FMNL1: variants seen among roughly 807,000 people sequenced by gnomAD.
FMNL1 encodes the protein formin-like protein 1.
In FMNL1, 43 loss-of-function variants were observed where a neutral mutation model predicts 121.3. The observed-to-expected ratio is 0.35, with a 90% confidence interval of 0.28 to 0.46. The LOEUF is 0.46. Among genes scored for constraint, FMNL1 ranks in the 20% least tolerant of loss-of-function variants. The probability of loss-of-function intolerance (pLI) is 1.00; values close to 1 mark genes in which losing one functional copy is unlikely to be tolerated. For missense variants in FMNL1, 1,191 were observed against 1,482.4 expected (o/e 0.80, Z 3.23); for synonymous variants, 613 against 613.5 (o/e 1.00, Z 0.01).
intron 2 of FMNL1, 117 bp from the exon 3 acceptor site, chr17:45,232,249 CT>C (rs1442845319): frequency 4.7e-6 from 4 of 849,978 alleles, no homozygotes; most frequent in Non-Finnish European, 7.6e-6. Flanking sequence ...TCAGAGGCGT[CT>C]TAAGAAAGCC....
chr17:45,242,586 GC>G (rs2043732654), intron 16 of FMNL1, 121 bp downstream of exon 16: 1 of 1,433,500 alleles, frequency 7.0e-7, no homozygotes, highest in African/African-American at 1.4e-5. Flanking sequence ...GGAGGGGGAG[GC>G]CCAGGGATGG....
At position 45,245,435 on chromosome 17, in the gene FMNL1, C is replaced by G. The variant is rs952817689; in HGVS notation, c.2892+19C>G. 6.2e-7 allele frequency: 1 copy of G among 1,613,982 alleles called. No individual in the cohort carries two copies. The highest frequency in any genetic ancestry group is 8.5e-7 in the Non-Finnish European group (1 of 1,179,966). On this transcript the variant is annotated intron_variant, in intron 22 of 26. Coordinates refer to ENST00000331495, the MANE Select transcript of FMNL1 (RefSeq NM_005892.4). ...GGCTCAGGTGCGCCAGGGCTGGCCTCACCTGGAGGTGGGGCATGTAGGAGC... is the reference window on the plus strand; with the variant it reads ...GGCTCAGGTGCGCCAGGGCTGGCCTGACCTGGAGGTGGGGCATGTAGGAGC...
intron 1 of FMNL1, 52 bp from the exon 2 acceptor site, chr17:45,230,552 C>T (rs1598185545): frequency 6.3e-7 from 1 of 1,583,450 alleles, no homozygotes; most frequent in Non-Finnish European, 8.7e-7. Flanking sequence ...ATTCTCCCCT[C>T]TCCCCTTGTT....
At position 45,237,700 on chromosome 17, in the gene FMNL1, G is replaced by A; in HGVS notation, c.894+61G>A. 5.7e-6 allele frequency: 9 copies of A among 1,579,112 alleles called. No individual in the cohort carries two copies. In the Middle Eastern group the frequency reaches 5.0e-4, roughly 88 times the overall value. ...CTATGGTGTTGCTTGGAGTCTTGTT[G>A]TTGGCAGTTGTGGCCTTTGCTGGAG... On this transcript the variant is annotated intron_variant, in intron 9 of 26. Coordinates refer to ENST00000331495, the MANE Select transcript of FMNL1 (RefSeq NM_005892.4). This position sits in a 1 kb window ranked among gnomAD's most constrained non-coding sequence, Gnocchi z 4.4.
chr17:45,228,764 A>T (rs1057082597), intron 1 of FMNL1, among the ~76,000 whole-genome samples: 2 of 152,044 alleles, frequency 1.3e-5, no homozygotes, highest in Admixed American at 1.3e-4. Flanking sequence ...GGGAGGATTC[A>T]TGTCGGGAAG....
At chr17:45,244,623 T>C (rs2043787110) in intron 19 of FMNL1, among the ~76,000 whole-genome samples, 196 bp from the exon 20 acceptor site, 2 of 152,316 alleles carry the variant, frequency 1.3e-5, no homozygotes, top group South Asian at 4.1e-4. Context: ...CCCATGGTGT[T>C]AACCGTGCAC....
rs1262123931 is a variant in FMNL1, at chr17:45,246,848, T to C, written c.*9-19T>C. 2 of 713,220 alleles carry C rather than the reference T, an allele frequency of 2.8e-6. No individual in the cohort carries two copies. 44.2% of individuals were successfully genotyped at this position (713,220 alleles called of 1,614,324 possible). The stretch of plus-strand genomic sequence containing the variant: ...TGGGCGGACTCCTGAATGGTAAATG[T>C]GTCTCCTTCGGCTGCCAGATCTGCG... On this transcript the variant is annotated intron_variant, in intron 26 of 26. Transcript: ENST00000331495.
Position 45,237,838 on chromosome 17 carries a change from A to G in FMNL1, c.894+199A>G, listed in dbSNP as rs1007037191. Among the ~76,000 whole-genome samples, 3 of 152,192 alleles carry G rather than the reference A, an allele frequency of 2.0e-5. No individual in the cohort carries two copies. The highest frequency in any genetic ancestry group is 7.2e-5 in the African/African-American group (3 of 41,446). On this transcript the variant is annotated intron_variant, in intron 9 of 26. Coordinates refer to ENST00000331495, the MANE Select transcript of FMNL1 (RefSeq NM_005892.4). This position sits in a 1 kb window ranked among gnomAD's most constrained non-coding sequence, Gnocchi z 4.4. ...AGTTCTGAATGGAAGGTACAGGGTC[A>G]GGTAAGGGCACCACCTGGGTGGGGG...
Position 45,222,148 on chromosome 17 carries a change from C to G in FMNL1, c.24C>G (p.Ala8=), listed in dbSNP as rs2043238365. 9 of 1,193,408 alleles carry G rather than the reference C, an allele frequency of 7.5e-6. No homozygotes were observed. Among genetic ancestry groups the G allele is most frequent in the Non-Finnish European group, 9.3e-6 (9 of 966,236 alleles). 73.9% of individuals were successfully genotyped at this position (1,193,408 alleles called of 1,614,324 possible). ...CCATGGGCAACGCGGCCGGCAGCGC[C>G]GAGCAGCCCGCGGGCCCCGCCGCGC... MGNAAGS[A]EQPAGPAAPP... is the part of the protein sequence containing the mutation. Residue 8 remains alanine, a synonymous_variant, in exon 1 of 27, where the codon GCC becomes GCG. Transcript: ENST00000331495.
Position 45,237,212 on chromosome 17 carries a change from C to A in FMNL1, c.724-69C>A. On this transcript the variant is annotated intron_variant, in intron 7 of 26. Transcript: ENST00000331495. The surrounding 1 kb of genome is among the most constrained non-coding windows in gnomAD (Gnocchi z 4.4). ...CTAAACTCGAGGGCAGTTAAAGATCCACGTGGCGTGGGTGCCTGAAGTCCT... is the reference window on the plus strand; with the variant it reads ...CTAAACTCGAGGGCAGTTAAAGATCAACGTGGCGTGGGTGCCTGAAGTCCT... 6.9e-7 allele frequency: 1 copy of A among 1,456,770 alleles called. No individual in the cohort carries two copies. Among genetic ancestry groups the A allele is most frequent in the Non-Finnish European group, 9.6e-7 (1 of 1,040,090 alleles). The allele number at this position is 1,456,770 out of a possible 1,614,324, so 90.2% of individuals were successfully genotyped here. A position where few individuals can be genotyped will look rare whatever the true frequency, so the allele number is the denominator to read the frequency against.
rs116236041 is a variant in FMNL1 at position 45,237,948 on chromosome 17, C to T, written c.894+309C>T. On this transcript the variant is annotated intron_variant, in intron 9 of 26. Coordinates refer to ENST00000331495, the MANE Select transcript of FMNL1 (RefSeq NM_005892.4). The surrounding 1 kb of genome is among the most constrained non-coding windows in gnomAD (Gnocchi z 4.4). ...CCTTGGTTCATACCTCCAGGAGTTG[C>T]GGACTCTGGCTAACAGGCTTGCAAG... 1,780 of 308,582 alleles carry T rather than the reference C, an allele frequency of 5.8e-3. 31 individuals carry two copies. Among genetic ancestry groups the T allele is most frequent in the African/African-American group, 0.031 (1,450 of 47,050 alleles). 19.1% of individuals were successfully genotyped at this position (308,582 alleles called of 1,614,324 possible).
intron 10 of FMNL1, 135 bp from the exon 11 acceptor site, chr17:45,238,820 T>TTGG: frequency 9.3e-7 from 1 of 1,070,332 alleles, no homozygotes; most frequent in Non-Finnish European, 1.4e-6. Context: ...AGGTGAAATG[T>TTGG]TGGGCAGGCC....
chr17:45,242,335 T>G lies in FMNL1; in HGVS notation c.1886-6T>G, dbSNP rs1165256731. 7.4e-6 allele frequency: 12 copies of G among 1,613,474 alleles called. No individual in the cohort carries two copies. In the South Asian group the frequency reaches 1.3e-4, roughly 18 times the overall value. On this transcript the variant is annotated splice_polypyrimidine_tract_variant and splice_region_variant and intron_variant, in intron 15 of 26. Transcript: ENST00000331495. The stretch of plus-strand genomic sequence containing the variant: ...GCTCACCACTGCCCCCAAACCCCCG[T>G]CCCAGGAGTGAAGGCCAAGAAGCCC...
At chr17:45,222,350 CGCT>C in intron 1 of FMNL1, 97 bp downstream of exon 1, 3 of 1,011,406 alleles carry the variant, frequency 3.0e-6, no homozygotes, top group Non-Finnish European at 2.4e-6. Context: ...ACTCAGGTGC[CGCT>C]TGGAGATCCC....
chr17:45,234,319 G>A (rs2043504927), intron 6 of FMNL1, 119 bp downstream of exon 6: 4 of 1,540,244 alleles, frequency 2.6e-6, no homozygotes, highest in South Asian at 1.1e-5. Flanking sequence ...ATGCATTAGG[G>A]GTCCGAGTAA....
Position 45,234,203 on chromosome 17 carries a change from A to G in FMNL1, c.614+3A>G. 1.9e-6 allele frequency: 3 copies of G among 1,614,048 alleles called. No homozygotes were observed. Among genetic ancestry groups the G allele is most frequent in the South Asian group, 1.1e-5 (1 of 91,086 alleles). On this transcript the variant is annotated splice_donor_region_variant and intron_variant, in intron 6 of 26. Coordinates refer to ENST00000331495, the MANE Select transcript of FMNL1 (RefSeq NM_005892.4). The stretch of plus-strand genomic sequence containing the variant: ...AAAAGCCGCCACCTGACCATCAAGT[A>G]TGTGGGCCACAAAGTGGGGTGGTGG...
chr17:45,224,525 T>G (rs753547612), intron 1 of FMNL1, among the ~76,000 whole-genome samples: 1 of 152,110 alleles, frequency 6.6e-6, no homozygotes, highest in Admixed American at 6.5e-5. Context: ...CCCTCAGGGA[T>G]GTAGTCCAGC....
intron 1 of FMNL1, among the ~76,000 whole-genome samples, chr17:45,229,982 C>T (rs1399918648): frequency 6.6e-6 from 1 of 152,240 alleles, no homozygotes; most frequent in East Asian, 1.9e-4. Flanking sequence ...TCAGCTCCCC[C>T]AGCCCTCTCC....
intron 2 of FMNL1, among the ~76,000 whole-genome samples, chr17:45,230,993 T>C (rs2043425409): frequency 1.3e-5 from 2 of 152,150 alleles, no homozygotes; most frequent in African/African-American, 4.8e-5. Flanking sequence ...CTGCTGAGCT[T>C]CCTGAGAAAC....
Sources: gnomAD v4.1 joint callset for allele counts (sites outside exome capture counted in the v4.1 genomes callset) on GRCh38, gnomAD v4.1.1 for gene constraint, Gnocchi (gnomAD v3.1) non-coding constraint, MANE v1.5 for transcripts, NCBI Gene and HGNC (gene_info 2026-07-23, HGNC 2026-07-21) for gene names.